The following ANTXR1 variants were observed in gnomAD, a reference collection of about 807,000 sequenced individuals.
The protein encoded by ANTXR1 is ANTXR cell adhesion molecule 1, also known as anthrax toxin receptor 1.
ANTXR1 carries 19 observed loss-of-function variants against 78.1 expected under a neutral mutation model. That is an observed-to-expected ratio of 0.24 (90% CI 0.17 to 0.36). The LOEUF is 0.36. Ranked by LOEUF, ANTXR1 falls within the 10% of genes least tolerant of loss-of-function variation. The probability of loss-of-function intolerance (pLI) is 1.00; values close to 1 mark genes in which losing one functional copy is unlikely to be tolerated. For missense variants in ANTXR1, 518 were observed against 718.6 expected (o/e 0.72, Z 3.19); for synonymous variants, 273 against 260.5 (o/e 1.05, Z -0.46).
chr2:69,087,020 C>G (rs1360601849), intron 8 of ANTXR1, among the ~76,000 whole-genome samples: 1 of 152,150 alleles, frequency 6.6e-6, no homozygotes, highest in African/African-American at 2.4e-5. Context: ...GCGTTCATGA[C>G]TGTTATTTTA....
At chr2:69,091,168 G>A (rs188042239) in intron 9 of ANTXR1, among the ~76,000 whole-genome samples, 65 of 151,668 alleles carry the variant, frequency 4.3e-4, no homozygotes, top group African/African-American at 1.2e-3. Flanking sequence ...CACTGGGCGC[G>A]GCGCCTTATG....
chr2:69,193,295 T>G (rs1674585166), intron 16 of ANTXR1, 40 bp from the exon 17 acceptor site: 1 of 1,598,990 alleles, frequency 6.3e-7, no homozygotes, highest in East Asian at 2.2e-5. Context: ...GCCACAGGTC[T>G]GGTTTCATAT....
At chr2:69,077,863 A>G (rs1433742913) in intron 8 of ANTXR1, among the ~76,000 whole-genome samples, 1 of 152,140 alleles carries the variant, frequency 6.6e-6, no homozygotes, top group Admixed American at 6.5e-5. Flanking sequence ...TTGGACTTAT[A>G]TCACTTGGCC....
Position 69,013,656 on chromosome 2 carries a change from G to T in ANTXR1, c.152+5G>T. The stretch of plus-strand genomic sequence containing the variant: ...CCTGTACTTCATTTTGGACAAGTAA[G>T]TGCCGCGAGTTGTCCCCCCCACCCC... On this transcript the variant is annotated splice_donor_5th_base_variant and intron_variant, in intron 1 of 17. Coordinates refer to ENST00000303714, the MANE Select transcript of ANTXR1 (RefSeq NM_032208.3). The surrounding 1 kb of genome is among the most constrained non-coding windows in gnomAD (Gnocchi z 5.0). The T allele has an allele frequency of 6.4e-7, 1 of 1,551,796 alleles. No individual in the cohort carries two copies. Among genetic ancestry groups the T allele is most frequent in the Non-Finnish European group, 8.7e-7 (1 of 1,147,006 alleles).
intron 17 of ANTXR1, among the ~76,000 whole-genome samples, chr2:69,230,657 G>A (rs573460621): frequency 1.4e-4 from 21 of 152,280 alleles, no homozygotes; most frequent in African/African-American, 4.6e-4. Context: ...CACTGGCAGC[G>A]TGAGAGAAGG....
At chr2:69,235,825 T>C (rs1226131457) in intron 17 of ANTXR1, among the ~76,000 whole-genome samples, 2 of 149,356 alleles carry the variant, frequency 1.3e-5, no homozygotes, top group Non-Finnish European at 3.0e-5. Flanking sequence ...TCTGCTCTCA[T>C]ACTGCTATAA....
Position 69,152,180 on chromosome 2 carries a change from C to T in ANTXR1, c.963C>T (p.Ser321=), listed in dbSNP as rs140860822. Residue 321 remains serine, a synonymous_variant, in exon 13 of 18, where the codon TCC becomes TCT. Coordinates refer to ENST00000303714, the MANE Select transcript of ANTXR1 (RefSeq NM_032208.3). ...IITTTHCSDG[S]ILAIALLILF... ...TCTTGGCCCTGCAGTCTGACGGTTC[C>T]ATCCTGGCCATCGCCCTGCTGATCC... The T allele has an allele frequency of 9.5e-5, 153 of 1,614,092 alleles. No individual in the cohort carries two copies. In the African/African-American group the frequency reaches 1.9e-3, roughly 21 times the overall value.
intron 3 of ANTXR1, among the ~76,000 whole-genome samples, chr2:69,052,753 T>C (rs955622492): frequency 6.6e-6 from 1 of 152,146 alleles, no homozygotes; most frequent in African/African-American, 2.4e-5. Context: ...AATATCTCTT[T>C]ATATTCTAAG....
intron 17 of ANTXR1, among the ~76,000 whole-genome samples, chr2:69,195,152 G>C (rs1264435805): frequency 6.9e-6 from 1 of 144,620 alleles, no homozygotes; most frequent in Non-Finnish European, 1.5e-5. Context: ...TGGCAACAGA[G>C]CAAGACTCTG....
intron 17 of ANTXR1, among the ~76,000 whole-genome samples, chr2:69,202,182 G>T (rs186800493): frequency 1.3e-5 from 2 of 152,216 alleles, no homozygotes. Context: ...TTTAAGTCAG[G>T]GTGGAGAAAA....
At chr2:69,096,785 A>G (rs1014870798) in intron 9 of ANTXR1, among the ~76,000 whole-genome samples, 1 of 152,240 alleles carries the variant, frequency 6.6e-6, no homozygotes, top group Admixed American at 6.5e-5. Context: ...TTACAAGTTA[A>G]TGATTATTGA....
chr2:69,020,115 C>T (rs1020913251), intron 1 of ANTXR1, among the ~76,000 whole-genome samples: 1 of 152,004 alleles, frequency 6.6e-6, no homozygotes, highest in Non-Finnish European at 1.5e-5. Context: ...ATTGGTGGGT[C>T]GAATGGTATT....
Position 69,013,734 on chromosome 2 carries a change from C to T in ANTXR1, c.152+83C>T, listed in dbSNP as rs942293926. ...CCCGGGCCGGGCTCGTTGGCAGGGT[C>T]GCCTGGGGACAGGAGCGCATCTCCA... On this transcript the variant is annotated intron_variant, in intron 1 of 17. Transcript: ENST00000303714. The surrounding 1 kb of genome is among the most constrained non-coding windows in gnomAD (Gnocchi z 5.0). 3.2e-6 allele frequency: 5 copies of T among 1,547,402 alleles called. No homozygotes were observed. Among genetic ancestry groups the T allele is most frequent in the Non-Finnish European group, 4.4e-6 (5 of 1,144,012 alleles).
Position 69,040,034 on chromosome 2 carries a change from G to A in ANTXR1, c.153-10G>A, listed in dbSNP as rs978332275. The A allele has an allele frequency of 6.2e-7, 1 of 1,612,580 alleles. No homozygotes were observed. The highest frequency in any genetic ancestry group is 1.3e-5 in the African/African-American group (1 of 74,866). Reference sequence around the variant, plus strand: ...CCTGAGTCACGCAACACCTGCTTTTGTTTTCCTAGATCAGGAAGTGTGCTG... The same window carrying A: ...CCTGAGTCACGCAACACCTGCTTTTATTTTCCTAGATCAGGAAGTGTGCTG... On this transcript the variant is annotated splice_polypyrimidine_tract_variant and intron_variant, in intron 1 of 17. Transcript: ENST00000303714.
At chr2:69,152,513 G>A (rs1409841422) in intron 13 of ANTXR1, among the ~76,000 whole-genome samples, 3 of 152,156 alleles carry the variant, frequency 2.0e-5, no homozygotes, top group Non-Finnish European at 4.4e-5. Flanking sequence ...TGGGGTGGCC[G>A]CTTTAGTTCT....
At chr2:69,156,224 T>G (rs544024012) in intron 13 of ANTXR1, among the ~76,000 whole-genome samples, 55 of 152,320 alleles carry the variant, frequency 3.6e-4, no homozygotes, top group African/African-American at 1.1e-3. Context: ...TCTGGCTGTC[T>G]CATATTCAGC....
intron 14 of ANTXR1, among the ~76,000 whole-genome samples, chr2:69,176,701 TAAA>T (rs967459374): frequency 3.3e-5 from 5 of 152,340 alleles, no homozygotes; most frequent in African/African-American, 1.2e-4. Context: ...AATTGACAAA[TAAA>T]AATCTCTTGT....
chr2:69,041,006 AC>A, intron 2 of ANTXR1, among the ~76,000 whole-genome samples: 1 of 152,222 alleles, frequency 6.6e-6, no homozygotes, highest in Admixed American at 6.5e-5. Flanking sequence ...TTGGTTATTG[AC>A]CTCAACGCAT....
chr2:69,019,021 C>CT (rs531047938), intron 1 of ANTXR1, among the ~76,000 whole-genome samples: 135 of 152,274 alleles, frequency 8.9e-4, no homozygotes, highest in African/African-American at 3.1e-3. Flanking sequence ...ATGAGTCAGA[C>CT]TTTAAGGTGT....
Sources: allele counts gnomAD v4.1 joint callset (sites outside exome capture counted in the v4.1 genomes callset), GRCh38; gene constraint gnomAD v4.1.1; non-coding constraint Gnocchi (gnomAD v3.1); transcripts MANE v1.5; gene names NCBI Gene and HGNC (gene_info 2026-07-23, HGNC 2026-07-21).